Variants in CABP1 observed in about 807,000 individuals in gnomAD.
The protein encoded by CABP1 is calcium binding protein 1.
A neutral mutation model predicts 34.3 loss-of-function variants in CABP1; 17 were observed. The observed-to-expected ratio is 0.50, with a 90% CI of 0.34 to 0.74. CABP1 has a LOEUF of 0.74. Among genes scored for constraint, CABP1 ranks in the 30% least tolerant of loss-of-function variants. The pLI is 0.01. For missense variants in CABP1, 373 were observed against 511.1 expected (o/e 0.73, Z 2.61); for synonymous variants, 198 against 229.2 (o/e 0.86, Z 1.23).
At chr12:120,666,827 A>T in intron 5 of CABP1, 48 bp from the exon 6 acceptor site, 1 of 1,577,570 alleles carries the variant, frequency 6.3e-7, no homozygotes, top group Admixed American at 1.8e-5. Flanking sequence ...CAACCTGGGG[A>T]GGCCTCTGGC....
chr12:120,644,848 A>C (rs1272446092), intron 1 of CABP1, among the ~76,000 whole-genome samples: 1 of 152,154 alleles, frequency 6.6e-6, no homozygotes, highest in Non-Finnish European at 1.5e-5. Flanking sequence ...TCTGTCACCC[A>C]GACTAGAGTG....
intron 1 of CABP1, 21 bp from the exon 2 acceptor site, chr12:120,659,857 G>A (rs764851886): frequency 6.2e-7 from 1 of 1,612,096 alleles, no homozygotes; most frequent in Non-Finnish European, 8.5e-7. Context: ...GCGGCTAATA[G>A]GACATGTTCT....
the CABP1 span, among the ~76,000 whole-genome samples, chr12:120,676,093 C>G: frequency 6.6e-6 from 1 of 151,954 alleles, no homozygotes; most frequent in Non-Finnish European, 1.5e-5. Flanking sequence ...TAAAAAACAG[C>G]CTTGATTCCT....
intron 1 of CABP1, among the ~76,000 whole-genome samples, chr12:120,651,433 G>T (rs745738990): frequency 7.2e-5 from 11 of 152,174 alleles, no homozygotes; most frequent in South Asian, 2.1e-4. Flanking sequence ...TGCAAGGCTG[G>T]GTTTGCACCT....
chr12:120,666,941 C>A lies in CABP1; in HGVS notation c.*41C>A. 1 of 1,584,654 alleles carries A rather than the reference C, an allele frequency of 6.3e-7. No individual in the cohort carries two copies. ...TCCAGGACTGCCAAGCTCCCAAAGG[C>A]GGGGCTAAGAGGAGCTAGAGCTTGC... On this transcript the variant is annotated 3_prime_UTR_variant, in exon 6 of 6. Transcript: ENST00000316803.
intron 5 of CABP1, among the ~76,000 whole-genome samples, chr12:120,664,166 C>T (rs1020744290): frequency 6.6e-6 from 1 of 152,234 alleles, no homozygotes; most frequent in Non-Finnish European, 1.5e-5. Flanking sequence ...TACGAGGATG[C>T]ATTGTACATC....
chr12:120,642,237 G>T (rs1422483020), intron 1 of CABP1, among the ~76,000 whole-genome samples: 2 of 152,120 alleles, frequency 1.3e-5, no homozygotes, highest in African/African-American at 4.8e-5. Flanking sequence ...CAGTTCTGTG[G>T]CAGCCTCCGA....
chr12:120,644,335 G>A (rs1262470079), intron 1 of CABP1, among the ~76,000 whole-genome samples: 1 of 152,174 alleles, frequency 6.6e-6, no homozygotes, highest in African/African-American at 2.4e-5. Context: ...AATTGAATGA[G>A]GGCCTGGGTA....
chr12:120,641,490 C>G lies in CABP1; in HGVS notation c.654+151C>G. The G allele has an allele frequency of 1.2e-6, 1 of 819,330 alleles. No individual in the cohort carries two copies. The highest frequency in any genetic ancestry group is 1.6e-6 in the Non-Finnish European group (1 of 611,996). The allele number at this position is 819,330 out of a possible 1,614,324, so 50.8% of individuals were successfully genotyped here. A position where few individuals can be genotyped will look rare whatever the true frequency, so the allele number is the denominator to read the frequency against. ...CGTCCTCCCCGGGCCGGCGCCCTTG[C>G]CGGCACTCCTCCTCCCCGTGCCTGA... On this transcript the variant is annotated intron_variant, in intron 1 of 5. Coordinates refer to ENST00000316803, the MANE Select transcript of CABP1 (RefSeq NM_001033677.2). This position sits in a 1 kb window ranked among gnomAD's most constrained non-coding sequence, Gnocchi z 6.7.
chr12:120,652,731 A>G (rs532002085), intron 1 of CABP1, among the ~76,000 whole-genome samples: 1 of 152,132 alleles, frequency 6.6e-6, no homozygotes, highest in Non-Finnish European at 1.5e-5. Flanking sequence ...CTTCTCCTTG[A>G]AGACATTCAT....
At chr12:120,664,068 C>T (rs1047078891) in intron 5 of CABP1, among the ~76,000 whole-genome samples, 8 of 152,228 alleles carry the variant, frequency 5.3e-5, no homozygotes, top group Non-Finnish European at 1.0e-4. Context: ...ATCACCAGAT[C>T]TGGAAATCTC....
downstream of CABP1, among the ~76,000 whole-genome samples, chr12:120,668,638 T>C (rs1404344814): frequency 6.6e-6 from 1 of 152,196 alleles, no homozygotes; most frequent in Non-Finnish European, 1.5e-5. Context: ...GCATAGCAAG[T>C]GCCCTCAGGG....
chr12:120,680,731 G>A, the CABP1 span, among the ~76,000 whole-genome samples: 1 of 152,010 alleles, frequency 6.6e-6, no homozygotes, highest in Non-Finnish European at 1.5e-5. Flanking sequence ...GACCCCTCTG[G>A]GTCAGTGCTT....
chr12:120,655,817 CAGTGCGTG>C (rs1378301923), intron 1 of CABP1: 1 of 1,485,086 alleles, frequency 6.7e-7, no homozygotes, highest in Non-Finnish European at 8.9e-7. Context: ...ATGTATGTGC[CAGTGCGTG>C]CGTGCGTGTG....
At chr12:120,647,052 C>G (rs1879572473) in intron 1 of CABP1, among the ~76,000 whole-genome samples, 1 of 152,180 alleles carries the variant, frequency 6.6e-6, no homozygotes, top group South Asian at 2.1e-4. Flanking sequence ...TCTCCTGTTT[C>G]CAACGACAGA....
chr12:120,644,302 G>A (rs1179061826), intron 1 of CABP1, among the ~76,000 whole-genome samples: 1 of 152,206 alleles, frequency 6.6e-6, no homozygotes, highest in East Asian at 1.9e-4. Flanking sequence ...CTTCATTAAT[G>A]TTATTGCTAT....
In CABP1 at chr12:120,641,436, T is replaced by TC. The variant is rs1448643205; in HGVS notation, c.654+102dup. ...CACAGCCTCCTCCCGCGGCCCGTGG[T>TC]CCCCCACGGATCACGCCTCGGCTCA... On this transcript the variant is annotated intron_variant, in intron 1 of 5. Transcript: ENST00000316803. The surrounding 1 kb of genome is among the most constrained non-coding windows in gnomAD (Gnocchi z 6.7). 3 of 1,188,894 alleles carry TC rather than the reference T, an allele frequency of 2.5e-6. No homozygotes were observed. The highest frequency in any genetic ancestry group is 3.2e-6 in the Non-Finnish European group (3 of 947,680). 73.6% of individuals were successfully genotyped at this position (1,188,894 alleles called of 1,614,324 possible).
chr12:120,665,212 CA>C (rs1880892217), intron 5 of CABP1, among the ~76,000 whole-genome samples: 1 of 151,848 alleles, frequency 6.6e-6, no homozygotes. Context: ...CACTTGAGGT[CA>C]GGAGTTCGAG....
intron 5 of CABP1, among the ~76,000 whole-genome samples, chr12:120,666,476 A>AT (rs1880996437): frequency 1.1e-5 from 1 of 87,874 alleles, no homozygotes. Context: ...TCCATCTCAA[A>AT]AAAAAAAAAA....
Sources: allele counts gnomAD v4.1 joint callset (sites outside exome capture counted in the v4.1 genomes callset), GRCh38; gene constraint gnomAD v4.1.1; non-coding constraint Gnocchi (gnomAD v3.1); transcripts MANE v1.5; gene names NCBI Gene and HGNC (gene_info 2026-07-23, HGNC 2026-07-21).